MORC4: variants seen among roughly 807,000 people sequenced by gnomAD.
The protein encoded by MORC4 is MORC family CW-type zinc finger protein 4.
MORC4 carries 22 observed loss-of-function variants against 65.5 expected under a neutral mutation model. The ratio of observed to expected loss-of-function variants is 0.34; its 90% CI spans 0.24 to 0.48. MORC4 has a LOEUF of 0.48. MORC4 is among the 20% of genes least tolerant of loss of function. The pLI, the probability that MORC4 is intolerant of heterozygous loss-of-function variation, is 0.99. For synonymous variants in MORC4, 267 were observed against 255.8 expected, an observed-to-expected ratio of 1.04 and a Z score of -0.42; for missense variants, 624 against 703.0, an observed-to-expected ratio of 0.89 and a Z score of 1.27.
In MORC4 at chrX:106,971,483, A is replaced by C. The variant is rs752545418; in HGVS notation, c.1157+5101T>G. ...TGACAAATGGGATGTAATTAAACTA[A>C]AGAGCTTCTGCACAGCAAAAGAAAC... On this transcript the variant is annotated intron_variant, in intron 9 of 16. Transcript: ENST00000355610. 3.6e-5 allele frequency among the ~76,000 whole-genome samples: 4 copies of C among 112,465 alleles called. No individual in the cohort carries two copies. The East Asian group carries it at 1.1e-3, about 31-fold the overall frequency.
At position 106,941,631 on chromosome X, in the gene MORC4, C is replaced by T; in HGVS notation, c.2662G>A (p.Ala888Thr). Residue 888 changes from alanine (A) to threonine (T), a missense_variant and splice_region_variant, in exon 17 of 17, where the codon GCT (alanine) becomes ACT (threonine). Coordinates refer to ENST00000355610, the MANE Select transcript of MORC4 (RefSeq NM_024657.5). ...RTPEGDDLER[A>T]LAKLTRLRIH... ...CGTAGCCGCGTAAGCTTTGCCAAAG[C>T]CCTGTATGAAGGAGTGAGGGGGCAG... 1 of 1,208,828 alleles carries T rather than the reference C, an allele frequency of 8.3e-7. No homozygotes were observed. Among genetic ancestry groups the T allele is most frequent in the Non-Finnish European group, 1.1e-6 (1 of 893,981 alleles).
intron 9 of MORC4, among the ~76,000 whole-genome samples, chrX:106,976,332 T>C (rs930115087): frequency 1.7e-4 from 19 of 112,068 alleles, no homozygotes; most frequent in African/African-American, 3.9e-4. Flanking sequence ...CCCAGAAATC[T>C]TTTACCAAAT....
At chrX:106,958,136 T>C (rs1427316440) in intron 11 of MORC4, among the ~76,000 whole-genome samples, 200 bp downstream of exon 11, 2 of 111,701 alleles carry the variant, frequency 1.8e-5, no homozygotes, top group Non-Finnish European at 1.9e-5. Flanking sequence ...TAGGGAATAG[T>C]GAAGCCACAG....
At chrX:106,944,009 CAGGGTGGG>C (rs1933763779) in intron 14 of MORC4, among the ~76,000 whole-genome samples, 1 of 112,615 alleles carries the variant, frequency 8.9e-6, no homozygotes, top group Non-Finnish European at 1.9e-5. Context: ...AATCATGCAG[CAGGGTGGG>C]AACCCCATTT....
intron 5 of MORC4, 51 bp downstream of exon 5, chrX:106,985,045 T>G: frequency 1.0e-6 from 1 of 990,840 alleles, no homozygotes. Flanking sequence ...AAAATGTGTT[T>G]CATCATACTA....
chrX:106,950,612 T>C (rs965058209), intron 14 of MORC4, among the ~76,000 whole-genome samples: 5 of 112,103 alleles, frequency 4.5e-5, no homozygotes, highest in Non-Finnish European at 9.4e-5. Context: ...TGCTGTTCCT[T>C]TGTGAGTGCT....
chrX:106,949,135 C>A (rs1218074118), intron 14 of MORC4, among the ~76,000 whole-genome samples: 2 of 111,652 alleles, frequency 1.8e-5, no homozygotes, highest in Non-Finnish European at 3.8e-5. Flanking sequence ...ACTTATCTAT[C>A]TTCAAGTTTT....
At chrX:106,941,899 T>C in intron 16 of MORC4, 39 bp downstream of exon 16, 1 of 1,169,129 alleles carries the variant, frequency 8.6e-7, no homozygotes, top group Non-Finnish European at 1.2e-6. Flanking sequence ...TGCTTCCCAT[T>C]AGCACTCACA....
At chrX:106,948,067 C>T (rs1032676570) in intron 14 of MORC4, among the ~76,000 whole-genome samples, 1 of 110,585 alleles carries the variant, frequency 9.0e-6, no homozygotes, top group African/African-American at 3.3e-5. Context: ...TTCCTTTGAC[C>T]CATCTTTATT....
At position 107,000,068 on chromosome X, in the gene MORC4, C is replaced by T; in HGVS notation, c.-99G>A. The T allele has an allele frequency of 3.8e-6, 1 of 264,172 alleles. No homozygotes were observed. The highest frequency in any genetic ancestry group is 1.2e-4 in the South Asian group (1 of 8,207). 21.8% of individuals were successfully genotyped at this position (264,172 alleles called of 1,213,427 possible). On this transcript the variant is annotated 5_prime_UTR_variant, in exon 1 of 17. Coordinates refer to ENST00000355610, the MANE Select transcript of MORC4 (RefSeq NM_024657.5). ...ACTTCCACTCGCAGCTGGCGGCGACCGTCCGGGACCGGCCCTCCCTCGCTC... is the reference window on the plus strand; with the variant it reads ...ACTTCCACTCGCAGCTGGCGGCGACTGTCCGGGACCGGCCCTCCCTCGCTC...
In MORC4 at chrX:106,955,046, C is replaced by T. The variant is rs775673203; in HGVS notation, c.1552G>A (p.Ala518Thr). Residue 518 changes from alanine (A) to threonine (T), a missense_variant, in exon 14 of 17, where the codon GCT becomes ACT. By Grantham distance (58) the Ala-to-Thr change is moderately conservative (BLOSUM62 0). Transcript: ENST00000355610. ...CCAATTGTCTTGTTATTCAATCCAG[C>T]CATTTCTTGAACAGTAAGGATCTTT... ...PPKILTVQEM[A>T]GLNNKTIGYE... The T allele has an allele frequency of 1.1e-4, 135 of 1,203,841 alleles. No individual in the cohort carries two copies. The highest frequency in any genetic ancestry group is 1.1e-4 in the Non-Finnish European group (95 of 891,347).
Position 106,981,395 on chromosome X carries a change from T to C in MORC4, c.757A>G (p.Met253Val), listed in dbSNP as rs769361272. The stretch of plus-strand genomic sequence containing the variant: ...AGCTCAGAGGTAACACCGCCAGTCA[T>C]TTTTTCTTCTGTGTCAAAGTCTGAT... ...LVSDFDTEEK[M>V]TGGVTSELPE... The change falls in exon 6 of 17, where the codon ATG (methionine) becomes GTG (valine). Residue 253 changes from methionine (M) to valine (V), a missense_variant. By Grantham distance (21) the Met-to-Val change is conservative (BLOSUM62 1). Transcript: ENST00000355610. The C allele has an allele frequency of 6.1e-5, 73 of 1,203,897 alleles. No individual in the cohort carries two copies. The highest frequency in any genetic ancestry group is 5.3e-4 in the Admixed American group (24 of 45,329).
At chrX:106,955,781 G>A (rs1934092434) in intron 13 of MORC4, among the ~76,000 whole-genome samples, 1 of 111,476 alleles carries the variant, frequency 9.0e-6, no homozygotes, top group South Asian at 3.8e-4. Context: ...ATCCTCACCA[G>A]TCTGACCTAC....
intron 9 of MORC4, among the ~76,000 whole-genome samples, chrX:106,962,661 T>TC (rs948505840): frequency 1.8e-5 from 2 of 111,970 alleles, no homozygotes; most frequent in Non-Finnish European, 3.8e-5. Flanking sequence ...GAACAAGCAC[T>TC]CCAACATTCT....
chrX:106,977,944 C>T (rs1934658974), intron 8 of MORC4, 136 bp downstream of exon 8: 2 of 677,266 alleles, frequency 3.0e-6, no homozygotes, highest in Admixed American at 3.2e-5. Flanking sequence ...ACTGGTAACA[C>T]AATTCCAGGA....
intron 3 of MORC4, among the ~76,000 whole-genome samples, chrX:106,991,218 C>A (rs1249800082): frequency 9.0e-6 from 1 of 111,434 alleles, no homozygotes; most frequent in Non-Finnish European, 1.9e-5. Context: ...AGATTAGATC[C>A]CTGTTATACG....
intron 9 of MORC4, among the ~76,000 whole-genome samples, chrX:106,974,515 CA>C (rs1934583566): frequency 8.9e-6 from 1 of 111,835 alleles, no homozygotes; most frequent in South Asian, 3.7e-4. Context: ...ACTTTCTACC[CA>C]AAACCTTCCC....
At chrX:106,998,960 T>C (rs776735268) in intron 2 of MORC4, among the ~76,000 whole-genome samples, 1 of 112,582 alleles carries the variant, frequency 8.9e-6, no homozygotes, top group Non-Finnish European at 1.9e-5. Context: ...ATGCGCCCTG[T>C]ATGCTGCTGC....
At chrX:106,984,465 CTT>C (rs762110163) in intron 5 of MORC4, among the ~76,000 whole-genome samples, 1 of 71,385 alleles carries the variant, frequency 1.4e-5, no homozygotes. Context: ...TTTCTTTTTT[CTT>C]TTTTTTTTTT....
Sources: allele counts gnomAD v4.1 joint callset (sites outside exome capture counted in the v4.1 genomes callset), GRCh38; gene constraint gnomAD v4.1.1; transcripts MANE v1.5; gene names NCBI Gene and HGNC (gene_info 2026-07-23, HGNC 2026-07-21).